Variants in MDGA2 observed in about 807,000 individuals in gnomAD.
MDGA2 encodes the protein MAM domain-containing glycosylphosphatidylinositol anchor protein 2.
A neutral mutation model predicts 117.8 loss-of-function variants in MDGA2; 40 were observed. That is an observed-to-expected ratio of 0.34 (90% CI 0.26 to 0.44). The LOEUF (loss-of-function observed/expected upper bound fraction) is 0.44, where lower values mean the gene tolerates loss of function less well. Ranked by LOEUF, MDGA2 falls within the 20% of genes least tolerant of loss-of-function variation. The pLI, the probability that MDGA2 is intolerant of heterozygous loss-of-function variation, is 1.00. For synonymous variants in MDGA2, 452 were observed against 439.0 expected, an observed-to-expected ratio of 1.03 and a Z score of -0.37; for missense variants, 1,123 against 1,250.6, an observed-to-expected ratio of 0.90 and a Z score of 1.54.
In MDGA2 at chr14:47,674,581, T is replaced by C. The variant is rs1276655824; in HGVS notation, c.216A>G (p.Leu72=). The change falls in exon 1 of 17, where the codon TTA becomes TTG. Residue 72 remains leucine, a synonymous_variant. Transcript: ENST00000399232. ...TCAGCAGCCACACGAGACCGTACAGTAAATCCATCTTCACGTGAACATGAA... is the reference window on the plus strand; with the variant it reads ...TCAGCAGCCACACGAGACCGTACAGCAAATCCATCTTCACGTGAACATGAA... ...GYVHVHVKMD[L]LYGLVWLLTV... The C allele has an allele frequency of 1.9e-6, 3 of 1,550,768 alleles. No individual in the cohort carries two copies. The highest frequency in any genetic ancestry group is 2.7e-5 in the African/African-American group (2 of 72,876).
At chr14:47,564,233 G>C (rs1024131796) in intron 1 of MDGA2, among the ~76,000 whole-genome samples, 1 of 152,016 alleles carries the variant, frequency 6.6e-6, no homozygotes, top group Non-Finnish European at 1.5e-5. Context: ...ATATGTCTTG[G>C]GGATGGTCTT....
At chr14:47,073,259 C>T (rs547918288) in intron 6 of MDGA2, among the ~76,000 whole-genome samples, 1 of 152,170 alleles carries the variant, frequency 6.6e-6, no homozygotes, top group East Asian at 1.9e-4. Context: ...TGGTGAGTGG[C>T]AATGGTTTCT....
At chr14:46,982,388 T>G (rs1176476044) in intron 8 of MDGA2, among the ~76,000 whole-genome samples, 2 of 152,104 alleles carry the variant, frequency 1.3e-5, no homozygotes, top group Non-Finnish European at 2.9e-5. Flanking sequence ...TTTTAATATA[T>G]TGGTATAACC....
At chr14:47,401,463 T>C (rs1319421074) in intron 1 of MDGA2, among the ~76,000 whole-genome samples, 4 of 152,220 alleles carry the variant, frequency 2.6e-5, no homozygotes, top group Non-Finnish European at 2.9e-5. Flanking sequence ...AGCCTAATTA[T>C]GTACAACCAG....
At chr14:46,888,910 T>A (rs902523242) in intron 10 of MDGA2, among the ~76,000 whole-genome samples, 1 of 151,976 alleles carries the variant, frequency 6.6e-6, no homozygotes, top group African/African-American at 2.4e-5. Flanking sequence ...CTCCTATTCA[T>A]GTTTAGCAAC....
At chr14:47,132,612 A>G (rs1566642935) in intron 4 of MDGA2, among the ~76,000 whole-genome samples, 1 of 151,906 alleles carries the variant, frequency 6.6e-6, no homozygotes, top group South Asian at 2.1e-4. Flanking sequence ...GGAAAAAAAG[A>G]ACAAACAACA....
intron 1 of MDGA2, among the ~76,000 whole-genome samples, chr14:47,321,935 A>C (rs1889991895): frequency 6.6e-6 from 1 of 152,156 alleles, no homozygotes; most frequent in Non-Finnish European, 1.5e-5. Context: ...TCAGTTCTGG[A>C]GCTTACTATT....
At chr14:47,211,097 T>G (rs1885865942) in intron 3 of MDGA2, among the ~76,000 whole-genome samples, 1 of 152,306 alleles carries the variant, frequency 6.6e-6, no homozygotes, top group East Asian at 1.9e-4. Flanking sequence ...TCAACATAAT[T>G]ATGACATAAT....
chr14:47,346,190 C>T (rs1396425557), intron 1 of MDGA2, among the ~76,000 whole-genome samples: 1 of 151,704 alleles, frequency 6.6e-6, no homozygotes, highest in Non-Finnish European at 1.5e-5. Flanking sequence ...CACTATGTGC[C>T]CCAAAAATAT....
intron 1 of MDGA2, among the ~76,000 whole-genome samples, chr14:47,577,951 C>T (rs373933702): frequency 1.3e-5 from 2 of 152,138 alleles, no homozygotes; most frequent in Admixed American, 6.6e-5. Context: ...AACCATCCTA[C>T]GGCAAAGACA....
chr14:47,423,437 C>T (rs1352538808), intron 1 of MDGA2, among the ~76,000 whole-genome samples: 1 of 152,156 alleles, frequency 6.6e-6, no homozygotes, highest in Non-Finnish European at 1.5e-5. Context: ...CTAATTTAAT[C>T]ATCAGAGCAA....
chr14:46,978,531 T>C (rs1057485696), intron 8 of MDGA2, among the ~76,000 whole-genome samples: 5 of 152,056 alleles, frequency 3.3e-5, no homozygotes, highest in African/African-American at 1.2e-4. Context: ...TAAAAATATA[T>C]ATTTTCACTA....
intron 1 of MDGA2, among the ~76,000 whole-genome samples, chr14:47,423,600 G>C (rs1171232396): frequency 6.6e-6 from 1 of 151,856 alleles, no homozygotes; most frequent in South Asian, 2.1e-4. Flanking sequence ...ATGGTAATTA[G>C]ATGGAAACTG....
chr14:47,570,079 A>T (rs1895990625), intron 1 of MDGA2, among the ~76,000 whole-genome samples: 1 of 152,118 alleles, frequency 6.6e-6, no homozygotes, highest in South Asian at 2.1e-4. Context: ...GGTTTTTTTT[A>T]AATCAATATA....
intron 1 of MDGA2, among the ~76,000 whole-genome samples, chr14:47,360,620 G>A (rs1891100110): frequency 6.6e-6 from 1 of 152,038 alleles, no homozygotes; most frequent in Non-Finnish European, 1.5e-5. Flanking sequence ...GTATACTGTT[G>A]GTGGGAATGA....
At chr14:46,915,117 G>C (rs558999130) in intron 10 of MDGA2, among the ~76,000 whole-genome samples, 6 of 152,056 alleles carry the variant, frequency 3.9e-5, no homozygotes, top group African/African-American at 1.2e-4. Flanking sequence ...GAAATAGTTT[G>C]GCAGATGAAA....
intron 6 of MDGA2, among the ~76,000 whole-genome samples, chr14:47,087,017 T>G (rs1349766361): frequency 2.6e-5 from 4 of 152,186 alleles, no homozygotes; most frequent in African/African-American, 9.7e-5. Context: ...ATTTTTAAAA[T>G]ACCTATTAAA....
At chr14:46,975,286 G>C (rs1886413090) in intron 8 of MDGA2, among the ~76,000 whole-genome samples, 1 of 152,096 alleles carries the variant, frequency 6.6e-6, no homozygotes, top group East Asian at 1.9e-4. Context: ...AAACAGTATA[G>C]TTGTTTCTCA....
chr14:47,073,803 A>G (rs951383348), intron 6 of MDGA2, among the ~76,000 whole-genome samples: 10 of 152,178 alleles, frequency 6.6e-5, no homozygotes, highest in Non-Finnish European at 8.8e-5. Flanking sequence ...GTACTGTGCC[A>G]ACTTTTGGTT....
Sources: allele counts gnomAD v4.1 joint callset (sites outside exome capture counted in the v4.1 genomes callset), GRCh38; gene constraint gnomAD v4.1.1; transcripts MANE v1.5; gene names NCBI Gene and HGNC (gene_info 2026-07-23, HGNC 2026-07-21).